Variants in ITGB1BP1 observed in about 807,000 individuals in gnomAD.
ITGB1BP1 encodes the protein integrin subunit beta 1 binding protein 1.
In ITGB1BP1, 20 loss-of-function variants were observed where a neutral mutation model predicts 28.0. That is an observed-to-expected ratio of 0.71 (90% CI 0.50 to 1.04). ITGB1BP1 has a LOEUF of 1.04. Ranked by LOEUF, ITGB1BP1 falls within the 50% of genes least tolerant of loss-of-function variation. The probability of loss-of-function intolerance (pLI) is 0.00; values close to 1 mark genes in which losing one functional copy is unlikely to be tolerated. For missense variants in ITGB1BP1, 228 were observed against 242.5 expected, an observed-to-expected ratio of 0.94 and a Z score of 0.40; for synonymous variants, 103 against 89.5, an observed-to-expected ratio of 1.15 and a Z score of -0.85.
At chr2:9,414,373 C>A in intron 2 of ITGB1BP1, 117 bp from the exon 3 acceptor site, 35 of 666,056 alleles carry the variant, frequency 5.3e-5, no homozygotes, top group Non-Finnish European at 6.2e-5. Flanking sequence ...AAAACCATGT[C>A]AATTATTCAG....
In ITGB1BP1 at chr2:9,403,759, G is replaced by A. The variant is rs1676948247; in HGVS notation, c.*3075C>T. 1 of 158,614 alleles carries A rather than the reference G, an allele frequency of 6.3e-6. No individual in the cohort carries two copies. Among genetic ancestry groups the A allele is most frequent in the African/African-American group, 2.4e-5 (1 of 41,550 alleles). The allele number at this position is 158,614 out of a possible 1,614,324, so 9.8% of individuals were successfully genotyped here. On this transcript the variant is annotated 3_prime_UTR_variant, in exon 7 of 7. Coordinates refer to ENST00000355346, the MANE Select transcript of ITGB1BP1 (RefSeq NM_004763.5). ...TGCTGCTTCAGAAGTCCATAGCCCA[G>A]CTCTGAACTTTCTCGATAAAATGCC...
Position 9,423,435 on chromosome 2 carries a change from C to G in ITGB1BP1, c.-98G>C. 8.7e-7 allele frequency: 1 copy of G among 1,149,070 alleles called. No individual in the cohort carries two copies. The highest frequency in any genetic ancestry group is 1.1e-6 in the Non-Finnish European group (1 of 926,576). 71.2% of individuals were successfully genotyped at this position (1,149,070 alleles called of 1,614,324 possible). A position where few individuals can be genotyped will look rare whatever the true frequency, so the allele number is the denominator to read the frequency against. On this transcript the variant is annotated 5_prime_UTR_variant, in exon 1 of 7. Transcript: ENST00000355346. ...GGGGTCCGCGTGGGAGTGCCGCGGC[C>G]TTTGGCGCCCAGGCAGCTACTCCCG...
rs1341607282 is a variant in ITGB1BP1, at chr2:9,415,038, G to C, written c.73-782C>G. ...GCGGGTGGATCACCTGAGGACAGGAGTTCGAAACCAGCCTGGCCAACATGG... is the reference window on the plus strand; with the variant it reads ...GCGGGTGGATCACCTGAGGACAGGACTTCGAAACCAGCCTGGCCAACATGG... On this transcript the variant is annotated intron_variant, in intron 2 of 6. Transcript: ENST00000355346. This position sits in a 1 kb window ranked among gnomAD's most constrained non-coding sequence, Gnocchi z 4.1. Among the ~76,000 whole-genome samples, 1 of 152,022 alleles carries C rather than the reference G, an allele frequency of 6.6e-6. No homozygotes were observed. The highest frequency in any genetic ancestry group is 1.5e-5 in the Non-Finnish European group (1 of 67,998).
At position 9,406,716 on chromosome 2, in the gene ITGB1BP1, A is replaced by AT. The variant is rs1174543472; in HGVS notation, c.*117dup. On this transcript the variant is annotated 3_prime_UTR_variant, in exon 7 of 7. Transcript: ENST00000355346. The stretch of plus-strand genomic sequence containing the variant: ...AAATGATCAGCATTTTACACAATCC[A>AT]TTTTCTTCAGAAAATCTAGAGCAAG... 2.5e-5 allele frequency: 19 copies of AT among 750,178 alleles called. No homozygotes were observed. The allele number at this position is 750,178 out of a possible 1,614,324, so 46.5% of individuals were successfully genotyped here.
Position 9,418,651 on chromosome 2 carries a change from C to G in ITGB1BP1, c.47G>C (p.Ser16Thr). ...CTTGCTCTTAGTACTGATTTCGCTA[C>G]TTTGGGAACTGCTACTACTGTGTCG... Reference protein sequence around the residue: ...KKRHSSSSSQSSEISTKSKSV... With the variant: ...KKRHSSSSSQTSEISTKSKSV... Residue 16 changes from serine (S) to threonine (T), a missense_variant, in exon 2 of 7, where the codon AGT (serine) becomes ACT (threonine). Ser to Thr is a moderately conservative substitution (Grantham distance 58, BLOSUM62 1). Transcript: ENST00000355346. 6.2e-7 allele frequency: 1 copy of G among 1,613,464 alleles called. No homozygotes were observed. The highest frequency in any genetic ancestry group is 8.5e-7 in the Non-Finnish European group (1 of 1,179,374).
intron 4 of ITGB1BP1, among the ~76,000 whole-genome samples, chr2:9,411,825 C>T (rs1572700790): frequency 6.6e-6 from 1 of 152,100 alleles, no homozygotes; most frequent in East Asian, 1.9e-4. Flanking sequence ...GGAAGATCAC[C>T]TGAGGTCGGG....
rs543097906 is a variant in ITGB1BP1, at chr2:9,414,170, T to G, written c.151+8A>C. 6.2e-6 allele frequency: 10 copies of G among 1,611,724 alleles called. No homozygotes were observed. The highest frequency in any genetic ancestry group is 1.7e-5 in the Admixed American group (1 of 59,984). On this transcript the variant is annotated splice_region_variant and intron_variant, in intron 3 of 6. Coordinates refer to ENST00000355346, the MANE Select transcript of ITGB1BP1 (RefSeq NM_004763.5). The stretch of plus-strand genomic sequence containing the variant: ...GCAGACAATCAATGATCCAACCCTT[T>G]TATGTACCTGAGCTTTTGGTGGAAT...
rs1270891290 is a variant in ITGB1BP1, at chr2:9,415,098, G to A, written c.73-842C>T. Among the ~76,000 whole-genome samples the A allele has an allele frequency of 6.6e-6, 1 of 152,018 alleles. No homozygotes were observed. The highest frequency in any genetic ancestry group is 1.5e-5 in the Non-Finnish European group (1 of 67,988). On this transcript the variant is annotated intron_variant, in intron 2 of 6. Transcript: ENST00000355346. This position sits in a 1 kb window ranked among gnomAD's most constrained non-coding sequence, Gnocchi z 4.1. ...GTCTCTACTTAAAAAAAAAAATATGGCTGGGTGTGGTGGCTCACGCCTGTA... is the reference window on the plus strand; with the variant it reads ...GTCTCTACTTAAAAAAAAAAATATGACTGGGTGTGGTGGCTCACGCCTGTA...
rs912852558 is a variant in ITGB1BP1, at chr2:9,420,749, C to A, written c.-35-2017G>T. Among the ~76,000 whole-genome samples the A allele has an allele frequency of 5.3e-5, 8 of 152,232 alleles. 1 individual carries two copies. The highest frequency in any genetic ancestry group is 7.2e-5 in the African/African-American group (3 of 41,466). On this transcript the variant is annotated intron_variant, in intron 1 of 6. Coordinates refer to ENST00000355346, the MANE Select transcript of ITGB1BP1 (RefSeq NM_004763.5). ...AGTGGACTTTAGTTTAAGAGGAATACTCTGAAGGCTTTTTATTTATTTTTT... is the reference window on the plus strand; with the variant it reads ...AGTGGACTTTAGTTTAAGAGGAATAATCTGAAGGCTTTTTATTTATTTTTT...
chr2:9,410,591 C>T (rs917759859), intron 4 of ITGB1BP1, among the ~76,000 whole-genome samples: 2 of 152,242 alleles, frequency 1.3e-5, no homozygotes, highest in Non-Finnish European at 2.9e-5. Flanking sequence ...AGGCATGCAC[C>T]ACCACACCCA....
At position 9,423,102 on chromosome 2, in the gene ITGB1BP1, CG is replaced by C. The variant is rs568662110; in HGVS notation, c.-36+270del. On this transcript the variant is annotated intron_variant, in intron 1 of 6. Coordinates refer to ENST00000355346, the MANE Select transcript of ITGB1BP1 (RefSeq NM_004763.5). ...GAGGAAGAGGCAAGGAAACGGCCCG[CG>C]GCCGCCCGCCTTGCCGCCCCTCCGG... 1,113 of 1,013,788 alleles carry C rather than the reference CG, an allele frequency of 1.1e-3. 5 individuals carry two copies. The African/African-American group carries it at 0.018, about 16-fold the overall frequency. The allele number at this position is 1,013,788 out of a possible 1,614,324, so 62.8% of individuals were successfully genotyped here.
chr2:9,421,459 G>A (rs112062104), intron 1 of ITGB1BP1, among the ~76,000 whole-genome samples: 1 of 152,020 alleles, frequency 6.6e-6, no homozygotes, highest in Non-Finnish European at 1.5e-5. Flanking sequence ...AGGCCAAGTC[G>A]GGCGGATCAC....
At chr2:9,408,468 A>C in intron 4 of ITGB1BP1, 1 of 326,332 alleles carries the variant, frequency 3.1e-6, no homozygotes, top group East Asian at 6.2e-5. Flanking sequence ...GCTCGTTGCA[A>C]CGTCTGCCTC....
rs920629136 is a variant in ITGB1BP1, at chr2:9,423,477, G to A, written c.-140C>T. ...CTACTCCCGTTCCCGCTCCAGCGCC[G>A]GCTTTTCCAGCCCTCCTGCCCACGT... On this transcript the variant is annotated 5_prime_UTR_variant, in exon 1 of 7. Coordinates refer to ENST00000355346, the MANE Select transcript of ITGB1BP1 (RefSeq NM_004763.5). 3.4e-6 allele frequency: 4 copies of A among 1,188,114 alleles called. No individual in the cohort carries two copies. Among genetic ancestry groups the A allele is most frequent in the Non-Finnish European group, 1.1e-6 (1 of 948,556 alleles). 73.6% of individuals were successfully genotyped at this position (1,188,114 alleles called of 1,614,324 possible). A position where few individuals can be genotyped will look rare whatever the true frequency, so the allele number is the denominator to read the frequency against.
chr2:9,418,269 T>G (rs1679387729), intron 2 of ITGB1BP1, among the ~76,000 whole-genome samples: 1 of 152,230 alleles, frequency 6.6e-6, no homozygotes, highest in South Asian at 2.1e-4. Context: ...AATCTCACTC[T>G]TAAGTAAAAG....
At chr2:9,411,365 A>T (rs1488459304) in intron 4 of ITGB1BP1, among the ~76,000 whole-genome samples, 1 of 152,226 alleles carries the variant, frequency 6.6e-6, no homozygotes, top group African/African-American at 2.4e-5. Flanking sequence ...AGAAGAATCT[A>T]TGGAATATAA....
intron 1 of ITGB1BP1, chr2:9,423,080 G>A (rs1214888709): frequency 9.9e-7 from 1 of 1,009,500 alleles, no homozygotes; most frequent in Non-Finnish European, 1.2e-6. Context: ...CGGGGCAGAG[G>A]AAGAGGCAAG....
chr2:9,409,087 T>C (rs1017420650), intron 4 of ITGB1BP1, among the ~76,000 whole-genome samples: 1 of 152,188 alleles, frequency 6.6e-6, no homozygotes. Context: ...CACAAAAACA[T>C]GAATTGGGGT....
Position 9,406,758 on chromosome 2 carries a change from T to C in ITGB1BP1, c.*76A>G, listed in dbSNP as rs373478618. On this transcript the variant is annotated 3_prime_UTR_variant, in exon 7 of 7. Coordinates refer to ENST00000355346, the MANE Select transcript of ITGB1BP1 (RefSeq NM_004763.5). ...TAGAGCAAGGGATAACTTCATTATT[T>C]GCATAACATTTCAGCATTGCAGTTT... 12 of 952,890 alleles carry C rather than the reference T, an allele frequency of 1.3e-5. 1 individual carries two copies. The highest frequency in any genetic ancestry group is 4.8e-5 in the East Asian group (2 of 41,776). The allele number at this position is 952,890 out of a possible 1,614,324, so 59.0% of individuals were successfully genotyped here.
Sources: gnomAD v4.1 joint callset for allele counts (sites outside exome capture counted in the v4.1 genomes callset) on GRCh38, gnomAD v4.1.1 for gene constraint, Gnocchi (gnomAD v3.1) non-coding constraint, MANE v1.5 for transcripts, NCBI Gene and HGNC (gene_info 2026-07-23, HGNC 2026-07-21) for gene names.